GLP1R: variants seen among roughly 807,000 people sequenced by gnomAD.
The protein encoded by GLP1R is glucagon like peptide 1 receptor.
In GLP1R, 32 loss-of-function variants were observed where a neutral mutation model predicts 68.4. The observed-to-expected ratio is 0.47, with a 90% CI of 0.35 to 0.63. The LOEUF is 0.63. Ranked by LOEUF, GLP1R falls within the 20% of genes least tolerant of loss-of-function variation. The pLI, the probability that GLP1R is intolerant of heterozygous loss-of-function variation, is 0.00. For missense variants in GLP1R, 502 were observed against 594.9 expected, an observed-to-expected ratio of 0.84 and a Z score of 1.62; for synonymous variants, 263 against 244.4, an observed-to-expected ratio of 1.08 and a Z score of -0.71.
chr6:39,053,661 T>C (rs896990666), intron 1 of GLP1R, among the ~76,000 whole-genome samples: 1 of 152,178 alleles, frequency 6.6e-6, no homozygotes, highest in Non-Finnish European at 1.5e-5. Flanking sequence ...TGTTCCCTTT[T>C]GCACAAGTGT....
At chr6:39,068,967 G>A (rs1768589116) in intron 5 of GLP1R, among the ~76,000 whole-genome samples, 1 of 152,100 alleles carries the variant, frequency 6.6e-6, no homozygotes, top group African/African-American at 2.4e-5. Flanking sequence ...TTACAATATG[G>A]TCAGACTGAA....
chr6:39,086,164 GGGACAC>G lies in GLP1R; in HGVS notation c.*92_*97del. The G allele has an allele frequency of 1.3e-6, 1 of 743,362 alleles. No homozygotes were observed. The highest frequency in any genetic ancestry group is 2.1e-6 in the Non-Finnish European group (1 of 470,148). 46.0% of individuals were successfully genotyped at this position (743,362 alleles called of 1,614,324 possible). ...ACACTCCCAGGGACAAGGGAAGGAA[GGGACAC>G]ACACACACACACACACACACACACA... On this transcript the variant is annotated 3_prime_UTR_variant, in exon 13 of 13. Coordinates refer to ENST00000373256, the MANE Select transcript of GLP1R (RefSeq NM_002062.5). The surrounding 1 kb of genome is among the most constrained non-coding windows in gnomAD (Gnocchi z 4.5).
chr6:39,078,559 CT>C (rs1291932915), intron 8 of GLP1R, among the ~76,000 whole-genome samples, 177 bp downstream of exon 8: 7 of 152,170 alleles, frequency 4.6e-5, no homozygotes, highest in African/African-American at 1.4e-4. Context: ...GCCCCTGCCC[CT>C]GTCCCAGGAT....
chr6:39,053,461 G>C (rs1470442569), intron 1 of GLP1R, among the ~76,000 whole-genome samples: 1 of 152,208 alleles, frequency 6.6e-6, no homozygotes, highest in Non-Finnish European at 1.5e-5. Context: ...CTGGGAATAT[G>C]TTGATCCTAG....
At position 39,079,020 on chromosome 6, in the gene GLP1R, C is replaced by T; in HGVS notation, c.948C>T (p.Ala316=). 1 of 1,613,930 alleles carries T rather than the reference C, an allele frequency of 6.2e-7. No homozygotes were observed. Among genetic ancestry groups the T allele is most frequent in the Non-Finnish European group, 8.5e-7 (1 of 1,179,804 alleles). ...TTATCCGGCTGCCCATTCTCTTTGC[C>T]ATTGGGGTGAGTGATGGTGTCAGGG... ...WLIIRLPILF[A]IGVNFLIFVR... Residue 316 remains alanine (A), a synonymous_variant, in exon 9 of 13, where the codon GCC becomes GCT. Coordinates refer to ENST00000373256, the MANE Select transcript of GLP1R (RefSeq NM_002062.5). The surrounding 1 kb of genome is among the most constrained non-coding windows in gnomAD (Gnocchi z 4.5).
chr6:39,052,523 C>A (rs1187843224), intron 1 of GLP1R, among the ~76,000 whole-genome samples: 2 of 152,162 alleles, frequency 1.3e-5, no homozygotes, highest in Non-Finnish European at 2.9e-5. Flanking sequence ...CCAAAATGGT[C>A]CCCAGAGAAA....
chr6:39,069,355 C>A (rs1044696580), intron 5 of GLP1R, among the ~76,000 whole-genome samples: 6 of 152,078 alleles, frequency 3.9e-5, no homozygotes, highest in African/African-American at 1.2e-4. Context: ...AATTTTTGGC[C>A]GGGCGCAGTG....
chr6:39,068,335 G>A (rs1390670220), intron 5 of GLP1R, among the ~76,000 whole-genome samples: 1 of 152,160 alleles, frequency 6.6e-6, no homozygotes, highest in African/African-American at 2.4e-5. Flanking sequence ...AGCTCATGTG[G>A]CAGCTCTCAC....
At chr6:39,077,069 G>C (rs1768849889) in intron 7 of GLP1R, among the ~76,000 whole-genome samples, 7 of 152,120 alleles carry the variant, frequency 4.6e-5, no homozygotes, top group Admixed American at 4.6e-4. Context: ...CTGAAACTTA[G>C]CTACTTAAAA....
rs1220968613 is a variant in GLP1R at position 39,090,195 on chromosome 6, C to T, written c.*4122C>T. 6.6e-6 allele frequency among the ~76,000 whole-genome samples: 1 copy of T among 152,200 alleles called. No homozygotes were observed. Among genetic ancestry groups the T allele is most frequent in the Admixed American group, 6.5e-5 (1 of 15,284 alleles). ...GAAGCATTATTAAGCAGTATAATTT[C>T]AAACACTTTACTTAGTGCCACAGTG... On this transcript the variant is annotated 3_prime_UTR_variant, in exon 13 of 13. Coordinates refer to ENST00000373256, the MANE Select transcript of GLP1R (RefSeq NM_002062.5).
chr6:39,066,120 C>G lies in GLP1R; in HGVS notation c.403-77C>G, dbSNP rs1768504547. The G allele has an allele frequency of 4.7e-6, 4 of 843,780 alleles. No individual in the cohort carries two copies. The South Asian group carries it at 6.4e-5, about 13-fold the overall frequency. The allele number at this position is 843,780 out of a possible 1,614,324, so 52.3% of individuals were successfully genotyped here. Reference sequence around the variant, plus strand: ...CTGACTTGGGGCCCCAGCTCTGTCTCTGTGCCATGGGAAGGAAGATTGTGG... The same window carrying G: ...CTGACTTGGGGCCCCAGCTCTGTCTGTGTGCCATGGGAAGGAAGATTGTGG... On this transcript the variant is annotated intron_variant, in intron 4 of 12. Coordinates refer to ENST00000373256, the MANE Select transcript of GLP1R (RefSeq NM_002062.5).
In GLP1R at chr6:39,057,550, G is replaced by A. The variant is rs1768243653; in HGVS notation, c.254G>A (p.Cys85Tyr). The A allele has an allele frequency of 6.2e-7, 1 of 1,611,104 alleles. No individual in the cohort carries two copies. The highest frequency in any genetic ancestry group is 1.3e-5 in the African/African-American group (1 of 74,830). ...CCAGGCTCGTTCGTGAATGTCAGCT[G>A]CCCCTGGTACCTGCCCTGGGCCAGC... ...GEPGSFVNVS[C>Y]PWYLPWASSV... Residue 85 changes from cysteine to tyrosine, a missense_variant, in exon 3 of 13, where the codon TGC becomes TAC. Transcript: ENST00000373256.
chr6:39,056,414 C>G lies in GLP1R; in HGVS notation c.96C>G (p.Leu32=), dbSNP rs1768215024. The G allele has an allele frequency of 6.2e-7, 1 of 1,605,052 alleles. No individual in the cohort carries two copies. The highest frequency in any genetic ancestry group is 8.5e-7 in the Non-Finnish European group (1 of 1,171,882). The change falls in exon 2 of 13, where the codon CTC becomes CTG. Residue 32 remains leucine (L), a synonymous_variant. Coordinates refer to ENST00000373256, the MANE Select transcript of GLP1R (RefSeq NM_002062.5). ...CCCCCCAGGGTGCCACTGTGTCCCT[C>G]TGGGAGACGGTGCAGAAATGGCGAG... ...GPRPQGATVS[L]WETVQKWREY...
In GLP1R at chr6:39,090,229, G is replaced by A. The variant is rs1375653960; in HGVS notation, c.*4156G>A. ...TACTTAGTGCCACAGTGTGTCTGCA[G>A]TATCTATAAGTACTTCCGCTCTGTC... On this transcript the variant is annotated 3_prime_UTR_variant, in exon 13 of 13. Coordinates refer to ENST00000373256, the MANE Select transcript of GLP1R (RefSeq NM_002062.5). Among the ~76,000 whole-genome samples the A allele has an allele frequency of 1.3e-5, 2 of 152,198 alleles. No homozygotes were observed. The highest frequency in any genetic ancestry group is 2.4e-5 in the African/African-American group (1 of 41,452).
rs1320420851 is a variant in GLP1R, at chr6:39,079,425, T to C, written c.1044-139T>C. The C allele has an allele frequency of 2.1e-6, 2 of 933,284 alleles. No homozygotes were observed. Among genetic ancestry groups the C allele is most frequent in the African/African-American group, 3.3e-5 (2 of 60,104 alleles). The allele number at this position is 933,284 out of a possible 1,614,324, so 57.8% of individuals were successfully genotyped here. A position where few individuals can be genotyped will look rare whatever the true frequency, so the allele number is the denominator to read the frequency against. On this transcript the variant is annotated intron_variant, in intron 10 of 12. Transcript: ENST00000373256. This position sits in a 1 kb window ranked among gnomAD's most constrained non-coding sequence, Gnocchi z 4.5. ...CTCTATTCTTTCCCTCCAGGCAGCC[T>C]GTCCCAGGGTATTTGGGGTGGGAGA...
intron 5 of GLP1R, among the ~76,000 whole-genome samples, chr6:39,071,787 C>T (rs1768674008): frequency 6.6e-6 from 1 of 152,126 alleles, no homozygotes; most frequent in South Asian, 2.1e-4. Context: ...AGCCCTGGCT[C>T]TTCTTTATAA....
chr6:39,070,202 A>C (rs1768622872), intron 5 of GLP1R, among the ~76,000 whole-genome samples: 2 of 152,202 alleles, frequency 1.3e-5, no homozygotes, highest in South Asian at 4.1e-4. Flanking sequence ...TTTTATCATG[A>C]ATTTTGGAGG....
chr6:39,082,409 C>T lies in GLP1R; in HGVS notation c.1224+1670C>T, dbSNP rs140694808. Among the ~76,000 whole-genome samples, 4 of 152,230 alleles carry T rather than the reference C, an allele frequency of 2.6e-5. No homozygotes were observed. In the East Asian group the frequency reaches 7.7e-4, roughly 29 times the overall value. On this transcript the variant is annotated intron_variant, in intron 12 of 12. Transcript: ENST00000373256. ...GGGCTGTGGCGGGGGCAAGATCCCA[C>T]TTAATGCCTCAGGGAAGCAGGTGCT...
intron 1 of GLP1R, among the ~76,000 whole-genome samples, chr6:39,054,686 C>T (rs1375173261): frequency 6.6e-6 from 1 of 152,184 alleles, no homozygotes; most frequent in African/African-American, 2.4e-5. Flanking sequence ...CCTTCTGCCC[C>T]AGTTCCCAGC....
Sources: allele counts gnomAD v4.1 joint callset (sites outside exome capture counted in the v4.1 genomes callset), GRCh38; gene constraint gnomAD v4.1.1; non-coding constraint Gnocchi (gnomAD v3.1); transcripts MANE v1.5; gene names NCBI Gene and HGNC (gene_info 2026-07-23, HGNC 2026-07-21).